The following GRIK1 variants were observed in gnomAD, a reference collection of about 807,000 sequenced individuals.
GRIK1 encodes the protein glutamate ionotropic receptor kainate type subunit 1.
In GRIK1, 69 loss-of-function variants were observed where a neutral mutation model predicts 105.7. That is an observed-to-expected ratio of 0.65 (90% CI 0.54 to 0.80). The LOEUF (loss-of-function observed/expected upper bound fraction) is 0.80, where lower values mean the gene tolerates loss of function less well. GRIK1 is among the 30% of genes least tolerant of loss of function. The probability of loss-of-function intolerance (pLI) is 0.00; values close to 1 mark genes in which losing one functional copy is unlikely to be tolerated. For missense variants in GRIK1, 1,109 were observed against 1,167.3 expected (o/e 0.95, Z 0.73); for synonymous variants, 438 against 431.3 (o/e 1.02, Z -0.19).
At chr21:29,899,986 A>T (rs1279692165) in intron 1 of GRIK1, among the ~76,000 whole-genome samples, 1 of 152,136 alleles carries the variant, frequency 6.6e-6, no homozygotes, top group African/African-American at 2.4e-5. Flanking sequence ...GGGTACAGAA[A>T]ACACATGATA....
chr21:29,731,493 A>G (rs576576081), intron 1 of GRIK1, among the ~76,000 whole-genome samples: 1 of 152,184 alleles, frequency 6.6e-6, no homozygotes, highest in South Asian at 2.1e-4. Context: ...ATGCTTCAAG[A>G]TCTTGATACC....
intron 7 of GRIK1, among the ~76,000 whole-genome samples, chr21:29,619,484 A>C (rs2061937241): frequency 6.6e-6 from 1 of 152,054 alleles, no homozygotes; most frequent in Admixed American, 6.6e-5. Context: ...TCAGGGGGAA[A>C]AGAGTGGGAA....
chr21:29,764,436 C>T (rs2065607509), intron 1 of GRIK1, among the ~76,000 whole-genome samples: 1 of 152,144 alleles, frequency 6.6e-6, no homozygotes, highest in African/African-American at 2.4e-5. Flanking sequence ...TAGTTAACAG[C>T]ATTAGTGTAC....
intron 1 of GRIK1, among the ~76,000 whole-genome samples, chr21:29,873,352 C>G (rs770299497): frequency 6.6e-6 from 1 of 152,196 alleles, no homozygotes; most frequent in Non-Finnish European, 1.5e-5. Flanking sequence ...TTGGGCATTT[C>G]TGTGTTTAAG....
At chr21:29,575,819 G>A (rs779078223) in intron 14 of GRIK1, among the ~76,000 whole-genome samples, 2 of 152,104 alleles carry the variant, frequency 1.3e-5, no homozygotes, top group Non-Finnish European at 2.9e-5. Flanking sequence ...GCGACAGAGC[G>A]AGACTCCATC....
At chr21:29,912,184 C>T (rs1397018551) in intron 1 of GRIK1, among the ~76,000 whole-genome samples, 1 of 152,082 alleles carries the variant, frequency 6.6e-6, no homozygotes, top group Non-Finnish European at 1.5e-5. Flanking sequence ...ATAAATTCCC[C>T]TTGATCAAAA....
chr21:29,880,407 A>G (rs1013219616), intron 1 of GRIK1, among the ~76,000 whole-genome samples: 5 of 152,142 alleles, frequency 3.3e-5, no homozygotes, highest in Admixed American at 1.3e-4. Flanking sequence ...CCAATTTCCT[A>G]TGATCAGAGA....
chr21:29,814,295 GT>G (rs1199856314), intron 1 of GRIK1, among the ~76,000 whole-genome samples: 1 of 151,432 alleles, frequency 6.6e-6, no homozygotes, highest in Non-Finnish European at 1.5e-5. Context: ...GCAGTTTTTG[GT>G]CTCTTCATGA....
intron 1 of GRIK1, among the ~76,000 whole-genome samples, chr21:29,933,504 G>A (rs1215475726): frequency 6.6e-6 from 1 of 152,118 alleles, no homozygotes; most frequent in Non-Finnish European, 1.5e-5. Flanking sequence ...ATTTCAAAAA[G>A]CCTTTACTAT....
chr21:29,612,956 A>G (rs1487166712), intron 7 of GRIK1, among the ~76,000 whole-genome samples: 1 of 152,218 alleles, frequency 6.6e-6, no homozygotes, highest in Admixed American at 6.5e-5. Flanking sequence ...TGAGCATGAC[A>G]TATTTGGAGA....
chr21:29,830,967 G>T (rs975706661), intron 1 of GRIK1, among the ~76,000 whole-genome samples: 6 of 152,026 alleles, frequency 3.9e-5, no homozygotes, highest in Non-Finnish European at 5.9e-5. Context: ...GTTGGGAGGG[G>T]ATATTTTAAA....
intron 1 of GRIK1, among the ~76,000 whole-genome samples, chr21:29,781,101 G>A (rs772445071): frequency 1.2e-4 from 19 of 152,102 alleles, no homozygotes; most frequent in Non-Finnish European, 2.1e-4. Context: ...TCATTTTAAT[G>A]AGTATTCTTT....
chr21:29,885,512 G>A (rs1601941854), intron 1 of GRIK1, among the ~76,000 whole-genome samples: 4 of 152,172 alleles, frequency 2.6e-5, no homozygotes, highest in Admixed American at 2.6e-4. Context: ...ATTAAATACA[G>A]CACCTATTTG....
intron 1 of GRIK1, among the ~76,000 whole-genome samples, chr21:29,913,446 A>G (rs1283565525): frequency 6.6e-6 from 1 of 152,042 alleles, no homozygotes. Flanking sequence ...TATATGGTAG[A>G]AAAAGTATCC....
intron 1 of GRIK1, among the ~76,000 whole-genome samples, chr21:29,768,565 G>A (rs779106485): frequency 2.0e-5 from 3 of 152,174 alleles, no homozygotes; most frequent in East Asian, 1.9e-4. Context: ...TGATGTATCC[G>A]TTTTCACTCC....
intron 10 of GRIK1, 72 bp downstream of exon 10, chr21:29,591,040 A>G (rs879031714): frequency 1.2e-6 from 1 of 841,224 alleles, no homozygotes; most frequent in East Asian, 2.4e-5. Context: ...TGAAAAAGAC[A>G]GTTGAGGAAT....
intron 16 of GRIK1, among the ~76,000 whole-genome samples, chr21:29,546,547 A>G (rs1486835626): frequency 6.6e-6 from 1 of 152,216 alleles, no homozygotes; most frequent in African/African-American, 2.4e-5. Context: ...GCCTCCTCAC[A>G]GAGATTAAGG....
chr21:29,938,746 A>T (rs1450935414), intron 1 of GRIK1, among the ~76,000 whole-genome samples: 1 of 152,156 alleles, frequency 6.6e-6, no homozygotes, highest in African/African-American at 2.4e-5. Flanking sequence ...GATGTTGCTA[A>T]CTGACCGTCC....
At chr21:29,889,518 C>G (rs2069813849) in intron 1 of GRIK1, among the ~76,000 whole-genome samples, 1 of 151,518 alleles carries the variant, frequency 6.6e-6, no homozygotes, top group Non-Finnish European at 1.5e-5. Flanking sequence ...TCTCCTCCAC[C>G]TCTTGTTCTT....
Sources: gnomAD v4.1 joint callset for allele counts (sites outside exome capture counted in the v4.1 genomes callset) on GRCh38, gnomAD v4.1.1 for gene constraint, MANE v1.5 for transcripts, NCBI Gene and HGNC (gene_info 2026-07-23, HGNC 2026-07-21) for gene names.